Variants in CENPM observed in about 807,000 individuals in gnomAD.
The protein encoded by CENPM is interphase centromere complex protein 39.
In CENPM, 14 loss-of-function variants were observed where a neutral mutation model predicts 19.6. That is an observed-to-expected ratio of 0.71 (90% confidence interval 0.47 to 1.11). CENPM has a LOEUF of 1.11. Ranked by LOEUF, CENPM falls within the 50% of genes most tolerant of loss-of-function variation. The probability of loss-of-function intolerance (pLI) is 0.00; values close to 1 mark genes in which losing one functional copy is unlikely to be tolerated. For missense variants in CENPM, 239 were observed against 228.4 expected (o/e 1.05, Z -0.30); for synonymous variants, 114 against 101.5 (o/e 1.12, Z -0.74).
chr22:41,936,024 C>T (rs1156901474), downstream of CENPM, among the ~76,000 whole-genome samples: 1 of 152,190 alleles, frequency 6.6e-6, no homozygotes, highest in Admixed American at 6.5e-5. Flanking sequence ...GCGCATGGCA[C>T]CATGCTCGGC....
the CENPM span, chr22:41,928,138 G>T: frequency 4.9e-6 from 2 of 405,038 alleles, no homozygotes; most frequent in South Asian, 3.8e-5. The surrounding 1 kb of genome is among the most constrained non-coding windows in gnomAD (Gnocchi z 4.0). Context: ...GGGAGCCACT[G>T]GGGCTTTGTG....
intron 5 of CENPM, among the ~76,000 whole-genome samples, chr22:41,942,215 C>T (rs2077747228): frequency 6.6e-6 from 1 of 152,224 alleles, no homozygotes; most frequent in Non-Finnish European, 1.5e-5. Flanking sequence ...ATGGGTGTGG[C>T]AGTGCGGGCC....
In CENPM at chr22:41,947,032, C is replaced by A. The variant is rs751499547; in HGVS notation, c.45G>T (p.Thr15=). ...CGCCTGCACCTACCAAGATGGTGGC[C>A]GTGTTCAGGCCGGGCAGCTTGTCCA... is the stretch of plus-strand genomic sequence containing the variant. ...RPLDKLPGLN[T]ATILLVGTED... Residue 15 remains threonine, a synonymous_variant, in exon 1 of 6, where the codon ACG becomes ACT. Coordinates refer to ENST00000215980, the MANE Select transcript of CENPM (RefSeq NM_024053.5). The A allele has an allele frequency of 1.9e-6, 3 of 1,612,774 alleles. No homozygotes were observed. Among genetic ancestry groups the A allele is most frequent in the Non-Finnish European group, 2.5e-6 (3 of 1,179,934 alleles).
At chr22:41,937,895 G>A (rs1019274678), downstream of CENPM, among the ~76,000 whole-genome samples, 5 of 152,048 alleles carry the variant, frequency 3.3e-5, no homozygotes, top group Non-Finnish European at 7.4e-5. Context: ...CCAGGCTGGA[G>A]TGCAGTGGCG....
intron 5 of CENPM, among the ~76,000 whole-genome samples, chr22:41,939,816 G>A (rs11705308): frequency 1.2e-5 from 1 of 81,998 alleles, no homozygotes; most frequent in Non-Finnish European, 2.3e-5. Context: ...GAAAAAGAAA[G>A]AAAAAGAAAG....
At chr22:41,930,838 C>CTT in the CENPM span, among the ~76,000 whole-genome samples, 5,545 of 122,454 alleles carry the variant, frequency 0.045, 501 homozygotes, top group African/African-American at 0.16. Flanking sequence ...TTATTCAAGT[C>CTT]TTTTTTTTTT....
At position 41,945,197 on chromosome 22, in the gene CENPM, G is replaced by T. The variant is rs117373001; in HGVS notation, c.310+28C>A. The T allele has an allele frequency of 1.9e-6, 3 of 1,613,800 alleles. No homozygotes were observed. The East Asian group carries it at 6.7e-5, about 36-fold the overall frequency. ...CCCAGCTTTCCCTTGGCTGGGGGTG[G>T]GCAGTAACAGGCGAGGAACGTACTT... On this transcript the variant is annotated intron_variant, in intron 4 of 5. Coordinates refer to ENST00000215980, the MANE Select transcript of CENPM (RefSeq NM_024053.5).
chr22:41,946,376 TGA>T (rs2077802100), intron 2 of CENPM, 39 bp downstream of exon 2: 1 of 1,552,374 alleles, frequency 6.4e-7, no homozygotes, highest in Admixed American at 1.7e-5. Flanking sequence ...CCCTCTGGAG[TGA>T]GAGACACGTG....
the CENPM span, among the ~76,000 whole-genome samples, chr22:41,932,593 C>G: frequency 6.6e-6 from 1 of 152,250 alleles, no homozygotes; most frequent in East Asian, 1.9e-4. The surrounding 1 kb of genome is among the most constrained non-coding windows in gnomAD (Gnocchi z 4.3). Flanking sequence ...AGGGTCTGGC[C>G]AGGGCACCCC....
chr22:41,930,716 C>T, the CENPM span, among the ~76,000 whole-genome samples: 2,249 of 151,836 alleles, frequency 0.015, 23 homozygotes, highest in Non-Finnish European at 0.024. Flanking sequence ...GGTGGGGTTT[C>T]GCCATGTTGG....
chr22:41,934,120 C>G (rs1303856759), downstream of CENPM, among the ~76,000 whole-genome samples: 1 of 152,214 alleles, frequency 6.6e-6, no homozygotes, highest in African/African-American at 2.4e-5. Flanking sequence ...TGCACCACTT[C>G]CCCTCTGCAG....
At chr22:41,946,905 C>T (rs2083632774) in intron 1 of CENPM, 115 bp downstream of exon 1, 2 of 1,073,848 alleles carry the variant, frequency 1.9e-6, no homozygotes, top group Non-Finnish European at 2.8e-6. Context: ...TATTCCCCGC[C>T]CCCGCCACGG....
intron 1 of CENPM, 94 bp downstream of exon 1, chr22:41,946,926 T>G (rs1295009846): frequency 9.9e-6 from 13 of 1,315,988 alleles, no homozygotes; most frequent in Non-Finnish European, 1.3e-5. Flanking sequence ...TAGCGCGCGC[T>G]GGCTTGGCGC....
downstream of CENPM, among the ~76,000 whole-genome samples, chr22:41,937,738 T>C (rs975760185): frequency 6.6e-6 from 1 of 152,030 alleles, no homozygotes; most frequent in Admixed American, 6.6e-5. Context: ...TCCATTCACA[T>C]CTGAGAAAAC....
rs1349586701 is a variant in CENPM, at chr22:41,943,816, C to A, written c.311-115G>T. The A allele has an allele frequency of 7.0e-6, 6 of 853,878 alleles. No homozygotes were observed. The East Asian group carries it at 1.7e-4, about 24-fold the overall frequency. 52.9% of individuals were successfully genotyped at this position (853,878 alleles called of 1,614,324 possible). On this transcript the variant is annotated intron_variant, in intron 4 of 5. Transcript: ENST00000215980. ...CTCTGGGGCTCAGTTTCTTTCTAGTCGCGAGGGTGACAGTCCTATTCTACT... is the reference window on the plus strand; with the variant it reads ...CTCTGGGGCTCAGTTTCTTTCTAGTAGCGAGGGTGACAGTCCTATTCTACT...
chr22:41,944,526 G>A (rs1205977025), intron 4 of CENPM: 1 of 396,692 alleles, frequency 2.5e-6, no homozygotes, highest in African/African-American at 2.2e-5. Flanking sequence ...TAGGGGCCTG[G>A]GGCAACTTAA....
Position 41,946,574 on chromosome 22 carries a change from C to A in CENPM, c.58-78G>T. 6 of 1,226,350 alleles carry A rather than the reference C, an allele frequency of 4.9e-6. No homozygotes were observed. The Middle Eastern group carries it at 1.3e-3, about 260-fold the overall frequency. 76.0% of individuals were successfully genotyped at this position (1,226,350 alleles called of 1,614,324 possible). On this transcript the variant is annotated intron_variant, in intron 1 of 5. Coordinates refer to ENST00000215980, the MANE Select transcript of CENPM (RefSeq NM_024053.5). ...GGAGGGCCTGGCCCTTCGACCCACT[C>A]CCGGGGGGATCGGGACACCGCCAGC... is the stretch of plus-strand genomic sequence containing the variant.
chr22:41,940,092 C>A (rs777462616), intron 5 of CENPM: 2 of 737,754 alleles, frequency 2.7e-6, no homozygotes, highest in East Asian at 2.6e-5. Context: ...CCACCCCAAC[C>A]CGCCCTTTGC....
chr22:41,933,632 G>A, the CENPM span, among the ~76,000 whole-genome samples: 1 of 152,136 alleles, frequency 6.6e-6, no homozygotes, highest in Non-Finnish European at 1.5e-5. Flanking sequence ...GGGACCCGCA[G>A]ACTTAGGGTA....
Sources: gnomAD v4.1 joint callset for allele counts (sites outside exome capture counted in the v4.1 genomes callset) on GRCh38, gnomAD v4.1.1 for gene constraint, Gnocchi (gnomAD v3.1) non-coding constraint, MANE v1.5 for transcripts, NCBI Gene and HGNC (gene_info 2026-07-23, HGNC 2026-07-21) for gene names.